PPP6R2: variants seen among roughly 807,000 people sequenced by gnomAD.
PPP6R2 encodes the protein protein phosphatase 6 regulatory subunit 2.
Under a neutral mutation model 100.2 loss-of-function variants are expected in PPP6R2, and 62 were observed. The ratio of observed to expected loss-of-function variants is 0.62; its 90% confidence interval spans 0.50 to 0.76. PPP6R2 has a LOEUF of 0.76. Ranked by LOEUF, PPP6R2 falls within the 30% of genes least tolerant of loss-of-function variation. The pLI is 0.00. For synonymous variants in PPP6R2, 525 were observed against 514.7 expected (o/e 1.02, Z -0.27); for missense variants, 1,142 against 1,276.3 (o/e 0.89, Z 1.60).
Position 50,414,677 on chromosome 22 carries a change from G to A in PPP6R2, c.540G>A (p.Gln180=). The change falls in exon 5 of 24, where the codon CAG becomes CAA. Residue 180 remains glutamine (Q), a synonymous_variant. Coordinates refer to ENST00000612753, the MANE Select transcript of PPP6R2 (RefSeq NM_001242898.2). ...VSCVEPAGLR[Q]DVLHWLNEEK... ...GTGTGGAGCCAGCCGGGCTCCGGCA[G>A]GACGTCCTGCACGTGAGTGCGGGAG... 1 of 1,611,432 alleles carries A rather than the reference G, an allele frequency of 6.2e-7. No homozygotes were observed. The highest frequency in any genetic ancestry group is 8.5e-7 in the Non-Finnish European group (1 of 1,179,782).
At chr22:50,337,275 CAT>C in the PPP6R2 span, among the ~76,000 whole-genome samples, 1 of 105,814 alleles carries the variant, frequency 9.5e-6, no homozygotes, top group African/African-American at 3.9e-5. Context: ...GTGTGTGGTA[CAT>C]GTGTGGTGTG....
At chr22:50,422,757 C>T (rs1215146886) in intron 9 of PPP6R2, among the ~76,000 whole-genome samples, 1 of 152,146 alleles carries the variant, frequency 6.6e-6, no homozygotes, top group Non-Finnish European at 1.5e-5. Flanking sequence ...ACAAAGGCTC[C>T]TCCTGGTTCA....
chr22:50,414,430 T>G (rs1209473497), intron 4 of PPP6R2, 122 bp from the exon 5 acceptor site: 6 of 1,075,136 alleles, frequency 5.6e-6, no homozygotes, highest in Middle Eastern at 2.4e-4. Context: ...CTTGTCTGGG[T>G]CTTTCCGTTA....
At chr22:50,332,786 G>C in the PPP6R2 span, among the ~76,000 whole-genome samples, 4 of 151,034 alleles carry the variant, frequency 2.6e-5, no homozygotes, top group South Asian at 8.4e-4. Context: ...ACCACGCCCA[G>C]CTAATTTTTG....
intron 1 of PPP6R2, among the ~76,000 whole-genome samples, chr22:50,365,197 A>G (rs1462540702): frequency 1.3e-5 from 2 of 150,320 alleles, no homozygotes; most frequent in African/African-American, 4.9e-5. Flanking sequence ...TCAGCGTCCC[A>G]AGTAGCTGGG....
intron 10 of PPP6R2, among the ~76,000 whole-genome samples, chr22:50,425,069 A>G (rs970173427): frequency 1.3e-5 from 2 of 152,210 alleles, no homozygotes; most frequent in Non-Finnish European, 1.5e-5. Context: ...TGCATTCACA[A>G]TCTTGTATAG....
chr22:50,360,523 T>A (rs987389927), intron 1 of PPP6R2, among the ~76,000 whole-genome samples: 2 of 152,036 alleles, frequency 1.3e-5, no homozygotes, highest in Non-Finnish European at 2.9e-5. Flanking sequence ...CCACCACACC[T>A]GGCTAATTTA....
At chr22:50,415,405 C>A (rs1196468589) in intron 5 of PPP6R2, among the ~76,000 whole-genome samples, 1 of 152,256 alleles carries the variant, frequency 6.6e-6, no homozygotes, top group Non-Finnish European at 1.5e-5. Context: ...GACTGACCGC[C>A]ACCAACCTTT....
chr22:50,444,654 CAGA>C lies in PPP6R2; in HGVS notation c.*410_*412del, dbSNP rs2066650517. On this transcript the variant is annotated 3_prime_UTR_variant, in exon 24 of 24. Transcript: ENST00000612753. ...GTTGTTGTTTTGTTTTTAAAGAATA[CAGA>C]AGGAGCCAAGCTTTTTTGCACTTTG... 1 of 219,208 alleles carries C rather than the reference CAGA, an allele frequency of 4.6e-6. No homozygotes were observed. The highest frequency in any genetic ancestry group is 2.4e-5 in the African/African-American group (1 of 42,164). The allele number at this position is 219,208 out of a possible 1,614,324, so 13.6% of individuals were successfully genotyped here. A position where few individuals can be genotyped will look rare whatever the true frequency, so the allele number is the denominator to read the frequency against.
intron 1 of PPP6R2, among the ~76,000 whole-genome samples, chr22:50,354,296 CTT>C (rs1405619533): frequency 6.6e-6 from 1 of 152,096 alleles, no homozygotes; most frequent in Non-Finnish European, 1.5e-5. Context: ...CGGAGCGAGA[CTT>C]TGTCTCAAAA....
chr22:50,435,186 C>A, intron 13 of PPP6R2, 105 bp downstream of exon 13: 1 of 936,980 alleles, frequency 1.1e-6, no homozygotes, highest in Non-Finnish European at 1.5e-6. Flanking sequence ...GCTGACTGCA[C>A]TGACAGTGAG....
rs1391331692 is a variant in PPP6R2 at position 50,434,744 on chromosome 22, A to T, written c.1401-222A>T. Among the ~76,000 whole-genome samples the T allele has an allele frequency of 2.8e-5, 3 of 108,344 alleles. 1 individual carries two copies. The East Asian group carries it at 9.1e-4, about 33-fold the overall frequency. The allele number at this position is 108,344 out of a possible 152,430, so 71.1% of individuals were successfully genotyped here. On this transcript the variant is annotated intron_variant, in intron 12 of 23. Coordinates refer to ENST00000612753, the MANE Select transcript of PPP6R2 (RefSeq NM_001242898.2). ...GGCAGGGGCCGGGCACTTGCCCTGG[A>T]GGTGAACCTGGAGGAGGGCCGGGGG...
intron 19 of PPP6R2, among the ~76,000 whole-genome samples, chr22:50,439,459 C>T (rs1163269088): frequency 1.3e-5 from 2 of 152,178 alleles, no homozygotes; most frequent in Non-Finnish European, 2.9e-5. Context: ...CCTGGGGGCC[C>T]TCAGGCACCT....
Position 50,423,758 on chromosome 22 carries a change from G to A in PPP6R2, c.1125+144G>A, listed in dbSNP as rs2061631450. Reference sequence around the variant, plus strand: ...GTTCCAGTCCCAAGTCCCAAGGCTGGACTACAGGTCTCTGGCGGGGCACAG... The same window carrying A: ...GTTCCAGTCCCAAGTCCCAAGGCTGAACTACAGGTCTCTGGCGGGGCACAG... On this transcript the variant is annotated intron_variant, in intron 10 of 23. Transcript: ENST00000612753. The surrounding 1 kb of genome is among the most constrained non-coding windows in gnomAD (Gnocchi z 4.8). The A allele has an allele frequency of 1.9e-6, 2 of 1,052,840 alleles. No individual in the cohort carries two copies. The highest frequency in any genetic ancestry group is 2.8e-6 in the Non-Finnish European group (2 of 727,156). 65.2% of individuals were successfully genotyped at this position (1,052,840 alleles called of 1,614,324 possible).
At chr22:50,400,027 C>T (rs552770302) in intron 3 of PPP6R2, among the ~76,000 whole-genome samples, 42 of 152,346 alleles carry the variant, frequency 2.8e-4, no homozygotes, top group African/African-American at 1.0e-3. Flanking sequence ...ACTCATAAAG[C>T]AGTGTCATTT....
chr22:50,423,743 C>G lies in PPP6R2; in HGVS notation c.1125+129C>G. ...CTCTGCCACGGGGAGGTTCCAGTCC[C>G]AAGTCCCAAGGCTGGACTACAGGTC... On this transcript the variant is annotated intron_variant, in intron 10 of 23. Transcript: ENST00000612753. This position sits in a 1 kb window ranked among gnomAD's most constrained non-coding sequence, Gnocchi z 4.8. 1 of 1,182,000 alleles carries G rather than the reference C, an allele frequency of 8.5e-7. No individual in the cohort carries two copies. The highest frequency in any genetic ancestry group is 1.2e-6 in the Non-Finnish European group (1 of 838,894). 73.2% of individuals were successfully genotyped at this position (1,182,000 alleles called of 1,614,324 possible).
chr22:50,398,149 A>T (rs9616813), intron 3 of PPP6R2, among the ~76,000 whole-genome samples: 26,179 of 150,878 alleles, frequency 0.17, 2,858 homozygotes, highest in East Asian at 0.24. Context: ...CCTGGGCAAT[A>T]TAGCGAGACT....
chr22:50,417,539 C>T (rs1039919250), intron 6 of PPP6R2, among the ~76,000 whole-genome samples: 18 of 152,196 alleles, frequency 1.2e-4, no homozygotes, highest in African/African-American at 4.1e-4. Flanking sequence ...CATACAACCA[C>T]GTGTCCTTGG....
At chr22:50,398,515 CTTTTTTT>C (rs539664240) in intron 3 of PPP6R2, among the ~76,000 whole-genome samples, 2 of 124,002 alleles carry the variant, frequency 1.6e-5, no homozygotes, top group Admixed American at 8.3e-5. Flanking sequence ...CATATTAAGA[CTTTTTTT>C]TTTTTTTTTT....
Sources: allele counts gnomAD v4.1 joint callset (sites outside exome capture counted in the v4.1 genomes callset), GRCh38; gene constraint gnomAD v4.1.1; non-coding constraint Gnocchi (gnomAD v3.1); transcripts MANE v1.5; gene names NCBI Gene and HGNC (gene_info 2026-07-23, HGNC 2026-07-21).